The following INVS variants were observed in gnomAD, a reference collection of about 807,000 sequenced individuals.
The protein encoded by INVS is inversion of embryo turning homolog.
Under a neutral mutation model 108.8 loss-of-function variants are expected in INVS, and 86 were observed. The observed-to-expected ratio is 0.79, with a 90% CI of 0.66 to 0.95. The LOEUF (loss-of-function observed/expected upper bound fraction) is 0.95. Among genes scored for constraint, INVS ranks in the 40% least tolerant of loss-of-function variants. INVS has a pLI of 0.00. For synonymous variants in INVS, 455 were observed against 473.5 expected, an observed-to-expected ratio of 0.96 and a Z score of 0.51; for missense variants, 1,169 against 1,297.4, an observed-to-expected ratio of 0.90 and a Z score of 1.52.
At chr9:100,289,154 G>A (rs560088823) in intron 13 of INVS, among the ~76,000 whole-genome samples, 12 of 152,200 alleles carry the variant, frequency 7.9e-5, no homozygotes, top group African/African-American at 2.6e-4. Flanking sequence ...CATTCCACCT[G>A]GAAACTTCCT....
rs962260391 is a variant in INVS, at chr9:100,231,234, G to A, written c.615+1407G>A. ...GACTTTAAAGTATTATTTTTTAATC[G>A]TTTTTTACAACCTCTGATACTAAAA... On this transcript the variant is annotated intron_variant, in intron 5 of 16. Transcript: ENST00000262457. Among the ~76,000 whole-genome samples the A allele has an allele frequency of 4.0e-4, 61 of 151,786 alleles. 1 individual carries two copies. Among genetic ancestry groups the A allele is most frequent in the Non-Finnish European group, 8.8e-5 (6 of 67,938 alleles).
At chr9:100,208,588 T>G (rs1168928668) in intron 3 of INVS, among the ~76,000 whole-genome samples, 1 of 152,186 alleles carries the variant, frequency 6.6e-6, no homozygotes, top group African/African-American at 2.4e-5. Context: ...TTTTCTAAAC[T>G]GCATGCTAGG....
At chr9:100,255,281 C>G (rs1832380182) in intron 10 of INVS, among the ~76,000 whole-genome samples, 1 of 152,204 alleles carries the variant, frequency 6.6e-6, no homozygotes, top group Non-Finnish European at 1.5e-5. Context: ...TGAGACTTTG[C>G]TGAAGTTGCC....
intron 3 of INVS, among the ~76,000 whole-genome samples, chr9:100,128,521 A>G (rs1025072443): frequency 6.6e-6 from 1 of 152,220 alleles, no homozygotes. Flanking sequence ...TATACAAAGC[A>G]CCAGCATTCA....
intron 2 of INVS, among the ~76,000 whole-genome samples, chr9:100,110,201 T>C (rs1185935365): frequency 6.6e-6 from 1 of 152,248 alleles, no homozygotes; most frequent in East Asian, 1.9e-4. Flanking sequence ...CTAACATTTA[T>C]AAAGTTATGT....
rs1411754263 is a variant in INVS, at chr9:100,195,323, T to C, written c.274-30739T>C. Among the ~76,000 whole-genome samples, 4 of 152,298 alleles carry C rather than the reference T, an allele frequency of 2.6e-5. No individual in the cohort carries two copies. In the East Asian group the frequency reaches 7.7e-4, roughly 29 times the overall value. On this transcript the variant is annotated intron_variant, in intron 3 of 16. Coordinates refer to ENST00000262457, the MANE Select transcript of INVS (RefSeq NM_014425.5). The stretch of plus-strand genomic sequence containing the variant: ...GAATTATCATATAGTTGTTGTTCTT[T>C]ATTTATTTTGCTCATTATATCAATT...
intron 16 of INVS, among the ~76,000 whole-genome samples, chr9:100,300,096 T>C (rs1341187200): frequency 6.6e-6 from 1 of 152,240 alleles, no homozygotes; most frequent in Admixed American, 6.5e-5. Flanking sequence ...ATCCTATACA[T>C]TTGTTAATTC....
At chr9:100,130,583 C>T (rs751116050) in intron 3 of INVS, 1 of 152,132 alleles carries the variant, frequency 6.6e-6, no homozygotes, top group African/African-American at 2.4e-5. Context: ...TCTCAGTACC[C>T]ATCCCTATTA....
intron 5 of INVS, among the ~76,000 whole-genome samples, chr9:100,233,329 T>C (rs1831572160): frequency 6.6e-6 from 1 of 152,180 alleles, no homozygotes; most frequent in South Asian, 2.1e-4. Flanking sequence ...AGAGACAATT[T>C]GACTTCCTCT....
At chr9:100,164,407 GT>G (rs140877027) in intron 3 of INVS, among the ~76,000 whole-genome samples, 28,591 of 149,814 alleles carry the variant, frequency 0.19, 4,221 homozygotes, top group African/African-American at 0.42. Flanking sequence ...TTGACACTAA[GT>G]TTTTTTTTTA....
chr9:100,259,613 C>G (rs924709260), intron 10 of INVS, among the ~76,000 whole-genome samples: 2 of 147,590 alleles, frequency 1.4e-5, no homozygotes, highest in African/African-American at 2.5e-5. Flanking sequence ...TCTTGGCTCA[C>G]TGCAACCTCC....
chr9:100,132,179 G>A (rs1828073644), intron 3 of INVS, among the ~76,000 whole-genome samples: 1 of 152,106 alleles, frequency 6.6e-6, no homozygotes, highest in Admixed American at 6.5e-5. Flanking sequence ...TACAGTCCTA[G>A]CATAGCTTCT....
At chr9:100,198,722 A>G (rs1277820899) in intron 3 of INVS, among the ~76,000 whole-genome samples, 1 of 151,410 alleles carries the variant, frequency 6.6e-6, no homozygotes, top group Admixed American at 6.6e-5. Flanking sequence ...CCTCCCGTGT[A>G]GCTGGGACTA....
intron 7 of INVS, among the ~76,000 whole-genome samples, chr9:100,243,786 G>T (rs1162189842): frequency 6.6e-6 from 1 of 152,164 alleles, no homozygotes; most frequent in African/African-American, 2.4e-5. Context: ...GAGATGGGCG[G>T]ATCACCTAAG....
At chr9:100,268,145 C>CT (rs768398740) in intron 11 of INVS, among the ~76,000 whole-genome samples, 15 of 152,034 alleles carry the variant, frequency 9.9e-5, no homozygotes, top group Non-Finnish European at 1.5e-4. Context: ...GAAAGTACAG[C>CT]TACTCCATAG....
intron 3 of INVS, among the ~76,000 whole-genome samples, chr9:100,216,818 A>C (rs529547465): frequency 1.3e-5 from 2 of 152,264 alleles, no homozygotes; most frequent in South Asian, 4.1e-4. Context: ...GTGAGCAAAA[A>C]CAAAGGCACT....
At chr9:100,169,915 G>T (rs1308302968) in intron 3 of INVS, among the ~76,000 whole-genome samples, 1 of 152,108 alleles carries the variant, frequency 6.6e-6, no homozygotes, top group Non-Finnish European at 1.5e-5. Context: ...GATGAACCTG[G>T]TTATCTCATT....
At position 100,150,477 on chromosome 9, in the gene INVS, G is replaced by C. The variant is rs1436265923; in HGVS notation, c.273+23928G>C. Reference sequence around the variant, plus strand: ...CTTGTTTTTCATTAGACTCATGCTGGTTTCTTTTAAACTCTGGGCACAGGG... The same window carrying C: ...CTTGTTTTTCATTAGACTCATGCTGCTTTCTTTTAAACTCTGGGCACAGGG... On this transcript the variant is annotated intron_variant, in intron 3 of 16. Transcript: ENST00000262457. 2.0e-5 allele frequency among the ~76,000 whole-genome samples: 3 copies of C among 152,082 alleles called. No homozygotes were observed. In the East Asian group the frequency reaches 5.8e-4, roughly 29 times the overall value.
Position 100,200,874 on chromosome 9 carries a change from C to T in INVS, c.274-25188C>T, listed in dbSNP as rs1830512663. Among the ~76,000 whole-genome samples the T allele has an allele frequency of 2.0e-5, 3 of 152,226 alleles. No individual in the cohort carries two copies. In the South Asian group the frequency reaches 6.2e-4, roughly 31 times the overall value. ...TTTACCACATCTAATGTCTAACCAA[C>T]TGAAGTAGCCTACCAATCTTCCTGA... On this transcript the variant is annotated intron_variant, in intron 3 of 16. Coordinates refer to ENST00000262457, the MANE Select transcript of INVS (RefSeq NM_014425.5).
Sources: allele counts gnomAD v4.1 joint callset (sites outside exome capture counted in the v4.1 genomes callset), GRCh38; gene constraint gnomAD v4.1.1; transcripts MANE v1.5; gene names NCBI Gene and HGNC (gene_info 2026-07-23, HGNC 2026-07-21).